Variants in CUX1 observed in about 807,000 individuals in gnomAD.
The protein encoded by CUX1 is protein CASP.
In CUX1, 31 loss-of-function variants were observed where a neutral mutation model predicts 158.8. The ratio of observed to expected loss-of-function variants is 0.20; its 90% CI spans 0.15 to 0.26. The LOEUF (loss-of-function observed/expected upper bound fraction) is 0.26. Ranked by LOEUF, CUX1 falls within the 10% of genes least tolerant of loss-of-function variation. CUX1 has a pLI of 1.00. For missense variants in CUX1, 1,589 were observed against 2,014.6 expected (o/e 0.79, Z 4.04); for synonymous variants, 879 against 862.1 (o/e 1.02, Z -0.34).
intron 2 of CUX1, among the ~76,000 whole-genome samples, chr7:101,992,297 G>A (rs988048696): frequency 1.3e-5 from 2 of 152,140 alleles, no homozygotes; most frequent in Non-Finnish European, 2.9e-5. Flanking sequence ...GTTTTTACCT[G>A]CTCAGCAGTA....
At chr7:102,119,246 TTGTC>T (rs1310212895) in intron 8 of CUX1, among the ~76,000 whole-genome samples, 6 of 151,528 alleles carry the variant, frequency 4.0e-5, no homozygotes, top group African/African-American at 7.3e-5. Flanking sequence ...TGGGCCCACA[TTGTC>T]TGTCTGTCGT....
At chr7:102,247,029 C>G (rs1269557610) in intron 23 of CUX1, among the ~76,000 whole-genome samples, 2 of 152,082 alleles carry the variant, frequency 1.3e-5, no homozygotes. Flanking sequence ...GAGATCCTGT[C>G]TCTACAATAT....
chr7:102,205,287 G>A, intron 20 of CUX1, 117 bp downstream of exon 20: 1 of 761,638 alleles, frequency 1.3e-6, no homozygotes. Context: ...GATTTGGGGA[G>A]CTGAAATATG....
At chr7:102,019,553 C>T (rs1413131171) in intron 2 of CUX1, among the ~76,000 whole-genome samples, 1 of 152,092 alleles carries the variant, frequency 6.6e-6, no homozygotes, top group Non-Finnish European at 1.5e-5. Flanking sequence ...TGCAGATCCC[C>T]TCTTGATCAG....
At chr7:101,956,750 C>A (rs1467505004) in intron 2 of CUX1, among the ~76,000 whole-genome samples, 2 of 152,208 alleles carry the variant, frequency 1.3e-5, no homozygotes, top group Non-Finnish European at 2.9e-5. Flanking sequence ...GAGTTTGAGA[C>A]CAGCCAGAGC....
At chr7:102,002,537 A>G (rs1031351329) in intron 2 of CUX1, among the ~76,000 whole-genome samples, 1 of 152,198 alleles carries the variant, frequency 6.6e-6, no homozygotes, top group Non-Finnish European at 1.5e-5. Flanking sequence ...TATGGCACTT[A>G]CTAGCGAGAG....
intron 3 of CUX1, among the ~76,000 whole-genome samples, chr7:102,060,498 T>C (rs761621837): frequency 3.3e-5 from 5 of 151,358 alleles, no homozygotes; most frequent in African/African-American, 4.9e-5. Context: ...TCACAACAGC[T>C]CAACAAGGAG....
intron 8 of CUX1, among the ~76,000 whole-genome samples, chr7:102,134,546 T>C (rs192038928): frequency 6.6e-6 from 1 of 152,270 alleles, no homozygotes; most frequent in Non-Finnish European, 1.5e-5. Flanking sequence ...ACTGACAGTG[T>C]CTTGACCGGA....
At chr7:102,080,097 TTAGGCCTGTTGCCGC>T (rs1456820829) in intron 4 of CUX1, among the ~76,000 whole-genome samples, 1 of 152,216 alleles carries the variant, frequency 6.6e-6, no homozygotes, top group Admixed American at 6.5e-5. Context: ...AAGATGGGCG[TTAGGCCTGTTGCCGC>T]CAGGTTTTGC....
In CUX1 at chr7:102,070,353, T is replaced by C. The variant is rs1333324290; in HGVS notation, c.204T>C (p.Ser68=). Residue 68 remains serine (S), a synonymous_variant, in exon 4 of 24, where the codon AGT becomes AGC. Transcript: ENST00000292535. ...TTCCCTTTCAGATTGATGCACTGAG[T>C]AAAAGAAGCAAGGAAGCTGAAGCAG... ...KSFQGEIDAL[S]KRSKEAEAAF... is the part of the protein sequence containing the mutation. The C allele has an allele frequency of 1.2e-6, 2 of 1,608,766 alleles. No homozygotes were observed. Among genetic ancestry groups the C allele is most frequent in the Non-Finnish European group, 1.7e-6 (2 of 1,178,984 alleles).
At chr7:102,056,437 T>G (rs1824136050) in intron 3 of CUX1, among the ~76,000 whole-genome samples, 1 of 152,194 alleles carries the variant, frequency 6.6e-6, no homozygotes, top group Non-Finnish European at 1.5e-5. Flanking sequence ...TCCTAGGGCC[T>G]TCAGAATTAA....
intron 2 of CUX1, among the ~76,000 whole-genome samples, chr7:101,990,853 CCTGGCT>C (rs1815019460): frequency 6.6e-6 from 1 of 152,198 alleles, no homozygotes; most frequent in Non-Finnish European, 1.5e-5. Context: ...GTGATTCTCC[CCTGGCT>C]CTGAGCCCTT....
intron 21 of CUX1, among the ~76,000 whole-genome samples, chr7:102,233,257 C>T (rs1465343109): frequency 6.9e-6 from 1 of 145,050 alleles, no homozygotes; most frequent in Non-Finnish European, 1.5e-5. Flanking sequence ...GCAATCATAG[C>T]TCACTGCAGT....
Position 102,069,910 on chromosome 7 carries a change from G to A in CUX1, c.190-429G>A, listed in dbSNP as rs182105113. ...AAGTTCCCTTCTGCATGTCCCCAGG[G>A]ATTTAATTACTTGTTAATTACATAC... On this transcript the variant is annotated intron_variant, in intron 3 of 23. Transcript: ENST00000292535. Among the ~76,000 whole-genome samples, 88 of 152,270 alleles carry A rather than the reference G, an allele frequency of 5.8e-4. 1 individual carries two copies. In the East Asian group the frequency reaches 0.016, roughly 28 times the overall value.
At chr7:102,282,127 C>G (rs1021984522) in intron 21 of CUX1, among the ~76,000 whole-genome samples, 5 of 152,156 alleles carry the variant, frequency 3.3e-5, no homozygotes, top group Non-Finnish European at 5.9e-5. Context: ...GGCCAGGGCA[C>G]CAGCCGGGCC....
intron 22 of CUX1, among the ~76,000 whole-genome samples, chr7:102,236,103 A>G (rs1208202888): frequency 3.3e-5 from 5 of 152,216 alleles, no homozygotes; most frequent in Non-Finnish European, 7.3e-5. Flanking sequence ...CATGCAGCCT[A>G]GCAGATTTCA....
chr7:102,053,811 T>TC (rs1823814465), intron 3 of CUX1, among the ~76,000 whole-genome samples: 3 of 148,152 alleles, frequency 2.0e-5, no homozygotes, highest in African/African-American at 2.5e-5. Flanking sequence ...ACTTTTTTTT[T>TC]TTTTTTTTTT....
At chr7:102,119,956 C>T (rs1251331579) in intron 8 of CUX1, among the ~76,000 whole-genome samples, 2 of 152,210 alleles carry the variant, frequency 1.3e-5, no homozygotes. Flanking sequence ...TAGCCTTAAC[C>T]TTGGAGACTC....
intron 9 of CUX1, among the ~76,000 whole-genome samples, chr7:102,167,287 AAAAG>A (rs1563339151): frequency 6.6e-6 from 1 of 151,864 alleles, no homozygotes; most frequent in Non-Finnish European, 1.5e-5. Context: ...AAAAGAAAAG[AAAAG>A]AAAAAGAAAG....
Sources: gnomAD v4.1 joint callset for allele counts (sites outside exome capture counted in the v4.1 genomes callset) on GRCh38, gnomAD v4.1.1 for gene constraint, MANE v1.5 for transcripts, NCBI Gene and HGNC (gene_info 2026-07-23, HGNC 2026-07-21) for gene names.